Variants in SLC6A5 observed in about 807,000 individuals in gnomAD.
The protein encoded by SLC6A5 is sodium- and chloride-dependent glycine transporter 2.
SLC6A5 carries 58 observed loss-of-function variants against 90.5 expected under a neutral mutation model. The ratio of observed to expected loss-of-function variants is 0.64; its 90% CI spans 0.52 to 0.80. SLC6A5 has a LOEUF of 0.80. SLC6A5 is among the 30% of genes least tolerant of loss of function. The pLI is 0.00. For missense variants in SLC6A5, 1,015 were observed against 1,017.6 expected (o/e 1.00, Z 0.03); for synonymous variants, 427 against 401.4 (o/e 1.06, Z -0.76).
intron 5 of SLC6A5, among the ~76,000 whole-genome samples, chr11:20,608,946 C>CTG (rs1852638666): frequency 4.4e-5 from 5 of 114,126 alleles, no homozygotes; most frequent in Admixed American, 2.0e-4. Flanking sequence ...CTCTCTCTCT[C>CTG]TCTCTCTCTC....
chr11:20,614,597 G>C, intron 5 of SLC6A5, 82 bp from the exon 6 acceptor site: 1 of 1,387,586 alleles, frequency 7.2e-7, no homozygotes, highest in South Asian at 1.2e-5. Flanking sequence ...TTTGGCATTT[G>C]TTTTTAAACT....
rs1024274870 is a variant in SLC6A5 at position 20,626,942 on chromosome 11, T to C, written c.1395+100T>C. 6 of 947,536 alleles carry C rather than the reference T, an allele frequency of 6.3e-6. No individual in the cohort carries two copies. The Admixed American group carries it at 8.7e-5, about 14-fold the overall frequency. The allele number at this position is 947,536 out of a possible 1,614,324, so 58.7% of individuals were successfully genotyped here. On this transcript the variant is annotated intron_variant, in intron 8 of 15. Transcript: ENST00000525748. ...CTTCCTCCTCCAGGGAATCCCAGTG[T>C]GTGCTTTTATAAGAGCCTGATGATC... is the stretch of plus-strand genomic sequence containing the variant.
chr11:20,607,390 C>T, intron 4 of SLC6A5, 89 bp from the exon 5 acceptor site: 1 of 1,454,032 alleles, frequency 6.9e-7, no homozygotes, highest in Admixed American at 1.7e-5. Context: ...TACAAGAGAG[C>T]CTAGACCTAG....
In SLC6A5 at chr11:20,601,379, C is replaced by G; in HGVS notation, c.254C>G (p.Pro85Arg). 6.2e-7 allele frequency: 1 copy of G among 1,603,466 alleles called. No homozygotes were observed. The highest frequency in any genetic ancestry group is 1.1e-5 in the South Asian group (1 of 89,784). The change falls in exon 2 of 16, where the codon CCG becomes CGG. Residue 85 changes from proline (P) to arginine (R), a missense_variant. Transcript: ENST00000525748. ...PGVGSCKLSS[P>R]RAQAASAALR... ...GTGGGGTCTTGCAAACTCAGTAGCC[C>G]GCGGGCGCAGGCGGCCTCTGCAGCT...
intron 8 of SLC6A5, among the ~76,000 whole-genome samples, chr11:20,627,150 AG>A (rs1224980697): frequency 6.6e-6 from 1 of 152,168 alleles, no homozygotes; most frequent in African/African-American, 2.4e-5. Context: ...GAGTGTCGGA[AG>A]GGTAGTTTTG....
intron 7 of SLC6A5, among the ~76,000 whole-genome samples, chr11:20,619,263 T>C (rs1852844469): frequency 6.6e-6 from 1 of 152,170 alleles, no homozygotes; most frequent in South Asian, 2.1e-4. Context: ...CCAGGCATGC[T>C]TTGCATCCCC....
Position 20,636,400 on chromosome 11 carries a change from C to T in SLC6A5, c.1718C>T (p.Thr573Ile). The T allele has an allele frequency of 2.5e-6, 4 of 1,609,852 alleles. No individual in the cohort carries two copies. Among genetic ancestry groups the T allele is most frequent in the Non-Finnish European group, 3.4e-6 (4 of 1,176,078 alleles). ...ATCATCTTTTTCCTGATGCTCCTCA[C>T]TCTTGGACTTGACACTATGGTGAGC... ...WAIIFFLMLL[T>I]LGLDTMFATI... is the part of the protein sequence containing the mutation. The change falls in exon 11 of 16, where the codon ACT becomes ATT. Residue 573 changes from threonine (T) to isoleucine (I), a missense_variant. By Grantham distance (89) the Thr-to-Ile change is moderately conservative (BLOSUM62 -1). Around this residue, in one of 3 missense-constraint regions of SLC6A5, gnomAD observed 442 missense variants for 494.3 expected, o/e 0.89. Coordinates refer to ENST00000525748, the MANE Select transcript of SLC6A5 (RefSeq NM_004211.5).
chr11:20,636,368 C>G lies in SLC6A5; in HGVS notation c.1686C>G (p.Phe562Leu). The part of the protein sequence containing the change: ...EALTRLPLSP[F>L]WAIIFFLMLL... ...TAACCAGGCTGCCTCTCTCTCCGTT[C>G]TGGGCCATCATCTTTTTCCTGATGC... The change falls in exon 11 of 16, where the codon TTC becomes TTG. Residue 562 changes from phenylalanine (F) to leucine (L), a missense_variant. Phe to Leu is a conservative substitution (Grantham distance 22, BLOSUM62 0). This residue lies in a region of SLC6A5 where 442 missense variants were observed against 494.3 expected (regional missense o/e 0.89). Coordinates refer to ENST00000525748, the MANE Select transcript of SLC6A5 (RefSeq NM_004211.5). 1 of 1,613,978 alleles carries G rather than the reference C, an allele frequency of 6.2e-7. No homozygotes were observed. Among genetic ancestry groups the G allele is most frequent in the Non-Finnish European group, 8.5e-7 (1 of 1,179,860 alleles).
At chr11:20,604,211 G>T (rs530649884) in intron 2 of SLC6A5, 75 bp from the exon 3 acceptor site, 29 of 1,500,220 alleles carry the variant, frequency 1.9e-5, no homozygotes, top group South Asian at 6.7e-5. Context: ...GACCCCTAGC[G>T]GGGGGGAGGG....
chr11:20,635,733 G>A (rs937951138), intron 10 of SLC6A5, among the ~76,000 whole-genome samples: 4 of 152,058 alleles, frequency 2.6e-5, no homozygotes, highest in Admixed American at 2.6e-4. Context: ...TCAAACCTCA[G>A]CACTATTGAC....
At chr11:20,626,895 G>C (rs1853007900) in intron 8 of SLC6A5, 53 bp downstream of exon 8, 15 of 1,531,802 alleles carry the variant, frequency 9.8e-6, no homozygotes, top group Non-Finnish European at 1.3e-5. Flanking sequence ...CCCTCTGGGA[G>C]GCTTGGGCAA....
chr11:20,627,878 T>C (rs1173156625), intron 8 of SLC6A5, 102 bp from the exon 9 acceptor site: 2 of 835,964 alleles, frequency 2.4e-6, no homozygotes, highest in South Asian at 2.7e-5. Context: ...TTGTCCCTGA[T>C]GTTTCCCCTG....
At chr11:20,612,506 C>A (rs964874393) in intron 5 of SLC6A5, among the ~76,000 whole-genome samples, 1 of 152,112 alleles carries the variant, frequency 6.6e-6, no homozygotes, top group African/African-American at 2.4e-5. Flanking sequence ...CCAGATCAAG[C>A]CTGCTTCTTA....
At chr11:20,646,734 G>A in intron 13 of SLC6A5, 100 bp from the exon 14 acceptor site, 1 of 809,326 alleles carries the variant, frequency 1.2e-6, no homozygotes, top group Non-Finnish European at 2.2e-6. Flanking sequence ...GCCAGCCCTA[G>A]CCAATGGTGC....
chr11:20,612,748 G>C (rs2133782338), intron 5 of SLC6A5, among the ~76,000 whole-genome samples: 1 of 152,294 alleles, frequency 6.6e-6, no homozygotes, highest in Non-Finnish European at 1.5e-5. Flanking sequence ...TTGAAGTCTT[G>C]GGCTCAAGCC....
At chr11:20,608,922 G>GTCTCTCTCTCTC (rs138477311) in intron 5 of SLC6A5, among the ~76,000 whole-genome samples, 2 of 131,664 alleles carry the variant, frequency 1.5e-5, no homozygotes, top group African/African-American at 5.6e-5. Flanking sequence ...CTGTCTGTCT[G>GTCTCTCTCTCTC]TCTCTCTCTC....
Position 20,601,465 on chromosome 11 carries a change from C to A in SLC6A5, c.340C>A (p.Pro114Thr), listed in dbSNP as rs746842267. The A allele has an allele frequency of 5.0e-6, 8 of 1,610,928 alleles. No homozygotes were observed. The highest frequency in any genetic ancestry group is 6.8e-6 in the Non-Finnish European group (8 of 1,178,664). ...QASPPPGSSG[P>T]GNALHCKIPF... The stretch of plus-strand genomic sequence containing the variant: ...CTCGCCCCCTCCCGGGAGCTCCGGG[C>A]CCGGCAACGCGCTGCACTGTAAGAT... The change falls in exon 2 of 16, where the codon CCC becomes ACC. Residue 114 changes from proline (P) to threonine (T), a missense_variant. Pro to Thr is a conservative substitution (Grantham distance 38). This residue lies in a region of SLC6A5 where 567 missense variants were observed against 507.3 expected (regional missense o/e 1.12). Coordinates refer to ENST00000525748, the MANE Select transcript of SLC6A5 (RefSeq NM_004211.5).
intron 3 of SLC6A5, among the ~76,000 whole-genome samples, chr11:20,606,397 G>T (rs1219876209): frequency 2.0e-5 from 3 of 152,212 alleles, no homozygotes; most frequent in Non-Finnish European, 4.4e-5. Context: ...CATTTGAGTT[G>T]ACCTTGAAGG....
intron 11 of SLC6A5, among the ~76,000 whole-genome samples, chr11:20,636,691 T>C (rs1243983742): frequency 6.6e-6 from 1 of 152,176 alleles, no homozygotes; most frequent in African/African-American, 2.4e-5. Flanking sequence ...CCTGCCTTCG[T>C]GTCATTTTGC....
Sources: gnomAD v4.1 joint callset for allele counts (sites outside exome capture counted in the v4.1 genomes callset) on GRCh38, gnomAD v4.1.1 for gene constraint, gnomAD v4.1.1 regional missense constraint, MANE v1.5 for transcripts, NCBI Gene and HGNC (gene_info 2026-07-23, HGNC 2026-07-21) for gene names.